VPS37A: variants seen among roughly 807,000 people sequenced by gnomAD.
VPS37A encodes VPS37A subunit of ESCRT-I, also known as vacuolar protein sorting-associated protein 37A.
Under a neutral mutation model 49.8 loss-of-function variants are expected in VPS37A, and 30 were observed. The observed-to-expected ratio is 0.60, with a 90% CI of 0.45 to 0.82. The LOEUF (loss-of-function observed/expected upper bound fraction) is 0.82. Ranked by LOEUF, VPS37A falls within the 40% of genes least tolerant of loss-of-function variation. The pLI is 0.00. For synonymous variants in VPS37A, 195 were observed against 160.6 expected (o/e 1.21, Z -1.62); for missense variants, 593 against 464.4 (o/e 1.28, Z -2.55).
chr8:17,311,101 A>G, the VPS37A span, among the ~76,000 whole-genome samples: 1 of 152,220 alleles, frequency 6.6e-6, no homozygotes, highest in South Asian at 2.1e-4. Flanking sequence ...AGTTTTTCCT[A>G]CCAAGGACTT....
At chr8:17,328,310 C>T in the VPS37A span, among the ~76,000 whole-genome samples, 34 of 152,260 alleles carry the variant, frequency 2.2e-4, no homozygotes, top group African/African-American at 7.7e-4. Flanking sequence ...TCCTCTTCAC[C>T]ACTTCCTCCC....
intron 5 of VPS37A, among the ~76,000 whole-genome samples, chr8:17,275,640 C>G (rs1462612932): frequency 6.6e-6 from 1 of 152,144 alleles, no homozygotes; most frequent in Admixed American, 6.6e-5. Flanking sequence ...TATTCTTAAG[C>G]TGGTAACTGT....
intron 1 of VPS37A, among the ~76,000 whole-genome samples, chr8:17,249,219 T>C (rs573643853): frequency 1.2e-4 from 19 of 152,288 alleles, no homozygotes; most frequent in African/African-American, 4.6e-4. Context: ...AGGGAAGTAA[T>C]TGATGTGAAA....
downstream of VPS37A, chr8:17,302,540 A>G (rs1471236603): frequency 3.0e-6 from 1 of 334,612 alleles, no homozygotes; most frequent in Non-Finnish European, 5.3e-6. Context: ...TTTTTCTAAA[A>G]TTAAAATAGT....
intron 1 of VPS37A, among the ~76,000 whole-genome samples, chr8:17,263,068 A>C (rs1479673955): frequency 6.6e-6 from 1 of 152,100 alleles, no homozygotes; most frequent in Non-Finnish European, 1.5e-5. Context: ...TCAAAAAAAA[A>C]AAAAAAAGAT....
chr8:17,286,547 G>T, intron 11 of VPS37A, 120 bp downstream of exon 11: 1 of 768,138 alleles, frequency 1.3e-6, no homozygotes. Context: ...TAGTTACTGT[G>T]CTATGTAACA....
the VPS37A span, among the ~76,000 whole-genome samples, chr8:17,333,100 A>T: frequency 6.6e-6 from 1 of 152,146 alleles, no homozygotes. Context: ...TCACATTTCA[A>T]TAGCAGCCCT....
chr8:17,311,288 T>G, the VPS37A span, among the ~76,000 whole-genome samples: 3 of 152,224 alleles, frequency 2.0e-5, no homozygotes, highest in African/African-American at 4.8e-5. Flanking sequence ...TAGCATTGAC[T>G]TGAAATGGTT....
intron 11 of VPS37A, among the ~76,000 whole-genome samples, chr8:17,290,629 C>A (rs549143699): frequency 6.6e-6 from 1 of 152,110 alleles, no homozygotes; most frequent in Non-Finnish European, 1.5e-5. Flanking sequence ...GGATATTGGC[C>A]TGAAATTTTC....
In VPS37A at chr8:17,290,055, C is replaced by G. The variant is rs369305070; in HGVS notation, c.*3628C>G. 1.3e-4 allele frequency among the ~76,000 whole-genome samples: 20 copies of G among 152,302 alleles called. No individual in the cohort carries two copies. In the South Asian group the frequency reaches 3.9e-3, roughly 30 times the overall value. ...GATTTTTGCACATTGATTTTGTATC[C>G]TGAGACCTTGCTGAAGTTGCTTATC... On this transcript the variant is annotated intron_variant, in intron 11 of 11. Coordinates refer to ENST00000324849, the MANE Select transcript of VPS37A (RefSeq NM_152415.3).
intron 11 of VPS37A, among the ~76,000 whole-genome samples, chr8:17,289,982 A>C (rs1265098350): frequency 6.6e-6 from 1 of 152,078 alleles, no homozygotes; most frequent in Non-Finnish European, 1.5e-5. Flanking sequence ...ATGGGAGTTC[A>C]CTCATGATTT....
chr8:17,269,076 T>G (rs1813738124), intron 4 of VPS37A, 120 bp downstream of exon 4: 1 of 661,934 alleles, frequency 1.5e-6, no homozygotes, highest in East Asian at 2.9e-5. Flanking sequence ...TCCCCACAAA[T>G]ACATCCATAC....
At chr8:17,311,394 G>T in the VPS37A span, 3 of 1,334,092 alleles carry the variant, frequency 2.2e-6, no homozygotes, top group Non-Finnish European at 2.1e-6. Context: ...ATCTTGCTGA[G>T]CTACTAAAAG....
chr8:17,273,023 CTTTTTTTTTTTTTTT>C (rs1166192119), intron 4 of VPS37A, among the ~76,000 whole-genome samples: 1 of 43,828 alleles, frequency 2.3e-5, no homozygotes, highest in Non-Finnish European at 4.1e-5. Flanking sequence ...TTTGCCCTTC[CTTTTTTTTTTTTTTT>C]TTTTTTTTTT....
At chr8:17,305,767 G>T (rs371072993), downstream of VPS37A, 2 of 1,609,890 alleles carry the variant, frequency 1.2e-6, no homozygotes, top group African/African-American at 1.3e-5. Context: ...TTGAGTTCTC[G>T]TCTCTCCTTT....
chr8:17,283,149 C>A (rs1288435632), intron 9 of VPS37A, among the ~76,000 whole-genome samples: 1 of 151,980 alleles, frequency 6.6e-6, no homozygotes, highest in African/African-American at 2.4e-5. Context: ...GAGATACTAC[C>A]CCACATGCAT....
intron 1 of VPS37A, chr8:17,247,847 C>T: frequency 4.4e-6 from 3 of 684,222 alleles, no homozygotes; most frequent in Admixed American, 4.1e-5. Flanking sequence ...GAATGCTTCT[C>T]GTCTGAGAGT....
chr8:17,270,082 C>T (rs981699444), intron 4 of VPS37A, among the ~76,000 whole-genome samples: 2 of 151,982 alleles, frequency 1.3e-5, no homozygotes, highest in African/African-American at 4.8e-5. Flanking sequence ...AGTCAGATCT[C>T]ATGAGAACTC....
At chr8:17,321,544 T>A in the VPS37A span, among the ~76,000 whole-genome samples, 1 of 152,236 alleles carries the variant, frequency 6.6e-6, no homozygotes, top group Admixed American at 6.5e-5. Flanking sequence ...AGATGATTAA[T>A]AGACATGGGC....
Sources: gnomAD v4.1 joint callset for allele counts (sites outside exome capture counted in the v4.1 genomes callset) on GRCh38, gnomAD v4.1.1 for gene constraint, MANE v1.5 for transcripts, NCBI Gene and HGNC (gene_info 2026-07-23, HGNC 2026-07-21) for gene names.